WWOX: variants seen among roughly 807,000 people sequenced by gnomAD.
WWOX encodes WW domain-containing oxidoreductase.
A neutral mutation model predicts 46.2 loss-of-function variants in WWOX; 69 were observed. The observed-to-expected ratio is 1.49, with a 90% confidence interval of 1.23 to 1.82. The LOEUF (loss-of-function observed/expected upper bound fraction) is 1.82, where lower values mean the gene tolerates loss of function less well. Among genes scored for constraint, WWOX ranks in the 40% most tolerant of loss-of-function variants. WWOX has a pLI of 0.00. For synonymous variants in WWOX, 359 were observed against 202.6 expected (o/e 1.77, Z -6.56); for missense variants, 919 against 542.6 (o/e 1.69, Z -6.89).
At chr16:78,915,447 C>G (rs185370851) in intron 8 of WWOX, among the ~76,000 whole-genome samples, 89 of 152,268 alleles carry the variant, frequency 5.8e-4, no homozygotes, top group Non-Finnish European at 1.2e-3. Flanking sequence ...CTTAATATGA[C>G]TTGATTGTTA....
Position 79,212,317 on chromosome 16 carries a change from C to T in WWOX, c.*521C>T. On this transcript the variant is annotated 3_prime_UTR_variant, in exon 9 of 9. Coordinates refer to ENST00000566780, the MANE Select transcript of WWOX (RefSeq NM_016373.4). Reference sequence around the variant, plus strand: ...TAGCAACTGCTGGGGAGACAAATCTCAGAACCTTGTCCCAGCCAGTGAGGA... The same window carrying T: ...TAGCAACTGCTGGGGAGACAAATCTTAGAACCTTGTCCCAGCCAGTGAGGA... 2.4e-6 allele frequency: 2 copies of T among 831,288 alleles called. No homozygotes were observed. The highest frequency in any genetic ancestry group is 1.8e-6 in the Non-Finnish European group (1 of 556,548). The allele number at this position is 831,288 out of a possible 1,614,324, so 51.5% of individuals were successfully genotyped here. A position where few individuals can be genotyped will look rare whatever the true frequency, so the allele number is the denominator to read the frequency against.
chr16:78,174,235 G>A (rs1457686272), intron 5 of WWOX, among the ~76,000 whole-genome samples: 2 of 152,238 alleles, frequency 1.3e-5, no homozygotes, highest in African/African-American at 4.8e-5. Context: ...ATCATGGTAG[G>A]AGGCGAAAGG....
At chr16:78,937,897 G>C (rs1170526757) in intron 8 of WWOX, among the ~76,000 whole-genome samples, 1 of 152,120 alleles carries the variant, frequency 6.6e-6, no homozygotes, top group Non-Finnish European at 1.5e-5. Flanking sequence ...CAAAGTGTTG[G>C]GATTACAGGT....
intron 8 of WWOX, among the ~76,000 whole-genome samples, chr16:79,181,899 G>A (rs2050919282): frequency 6.6e-6 from 1 of 152,174 alleles, no homozygotes; most frequent in Admixed American, 6.5e-5. Context: ...TCCCCACTGG[G>A]ATAGAGCATT....
intron 5 of WWOX, among the ~76,000 whole-genome samples, chr16:78,342,525 C>T (rs560885269): frequency 8.3e-6 from 1 of 120,126 alleles, no homozygotes; most frequent in East Asian, 1.9e-4. Flanking sequence ...TCCCTGGCCC[C>T]TATGTAATTA....
chr16:78,322,401 G>T (rs1418072733), intron 5 of WWOX, among the ~76,000 whole-genome samples: 4 of 152,182 alleles, frequency 2.6e-5, no homozygotes, highest in Non-Finnish European at 5.9e-5. Flanking sequence ...ATAATGACTA[G>T]CACTCACTGA....
At chr16:79,188,820 G>T (rs1486573040) in intron 8 of WWOX, among the ~76,000 whole-genome samples, 2 of 152,214 alleles carry the variant, frequency 1.3e-5, no homozygotes, top group African/African-American at 4.8e-5. Flanking sequence ...TCCTGGGGCT[G>T]CTCGGTTCTC....
intron 8 of WWOX, among the ~76,000 whole-genome samples, chr16:78,941,185 C>A (rs1215476182): frequency 1.3e-5 from 2 of 152,010 alleles, no homozygotes; most frequent in Non-Finnish European, 2.9e-5. Flanking sequence ...AGGAAATATC[C>A]CAGTTGCAAA....
At chr16:78,703,648 G>T (rs74348224) in intron 8 of WWOX, among the ~76,000 whole-genome samples, 4,135 of 151,470 alleles carry the variant, frequency 0.027, 148 homozygotes, top group African/African-American at 0.083. Context: ...TGTTTGTTTG[G>T]TTTTTTTTGG....
intron 8 of WWOX, among the ~76,000 whole-genome samples, chr16:78,699,117 A>G (rs1172793891): frequency 1.3e-5 from 2 of 152,220 alleles, no homozygotes; most frequent in Non-Finnish European, 2.9e-5. Flanking sequence ...GCAATACACA[A>G]ATCAATGCAC....
At chr16:78,740,363 A>G (rs115950789) in intron 8 of WWOX, among the ~76,000 whole-genome samples, 1 of 152,138 alleles carries the variant, frequency 6.6e-6, no homozygotes, top group Admixed American at 6.5e-5. Flanking sequence ...GAAGCACAGT[A>G]AATGCTGACG....
chr16:78,337,593 C>A (rs981911506), intron 5 of WWOX, among the ~76,000 whole-genome samples: 1 of 152,054 alleles, frequency 6.6e-6, no homozygotes, highest in Non-Finnish European at 1.5e-5. Flanking sequence ...TGGAGTGAAA[C>A]CATTCCAATT....
At chr16:78,935,637 A>G (rs1041580874) in intron 8 of WWOX, among the ~76,000 whole-genome samples, 41 of 152,146 alleles carry the variant, frequency 2.7e-4, no homozygotes, top group African/African-American at 9.6e-4. Flanking sequence ...GGATAGCATT[A>G]GGAGATATAT....
chr16:78,997,407 G>T (rs749726529), intron 8 of WWOX, among the ~76,000 whole-genome samples: 7 of 152,086 alleles, frequency 4.6e-5, no homozygotes, highest in South Asian at 4.2e-4. Flanking sequence ...ACACGCAAAA[G>T]AATTTTTTAA....
At chr16:79,037,959 G>T (rs992631067) in intron 8 of WWOX, among the ~76,000 whole-genome samples, 1 of 151,882 alleles carries the variant, frequency 6.6e-6, no homozygotes, top group East Asian at 1.9e-4. Context: ...TTCTGGTTCT[G>T]TTCCTCCCCT....
At chr16:78,434,484 C>T (rs1319722413) in intron 8 of WWOX, among the ~76,000 whole-genome samples, 1 of 152,164 alleles carries the variant, frequency 6.6e-6, no homozygotes, top group African/African-American at 2.4e-5. Flanking sequence ...GAACTGGGTG[C>T]CAGTGCCATT....
At chr16:78,589,021 C>G (rs2045289663) in intron 8 of WWOX, among the ~76,000 whole-genome samples, 1 of 152,192 alleles carries the variant, frequency 6.6e-6, no homozygotes, top group Non-Finnish European at 1.5e-5. Flanking sequence ...TGAGACATCT[C>G]TTTCATCTGC....
intron 5 of WWOX, among the ~76,000 whole-genome samples, chr16:78,243,324 C>T (rs2037717789): frequency 1.3e-5 from 2 of 152,074 alleles, no homozygotes; most frequent in Admixed American, 1.3e-4. Flanking sequence ...ATGTGATATG[C>T]AAACATCTGT....
At chr16:78,850,084 AT>A (rs957828996) in intron 8 of WWOX, among the ~76,000 whole-genome samples, 17 of 152,122 alleles carry the variant, frequency 1.1e-4, no homozygotes, top group African/African-American at 4.1e-4. Flanking sequence ...AAAAAAAAAA[AT>A]AGAGTGATAG....
Sources: allele counts gnomAD v4.1 joint callset (sites outside exome capture counted in the v4.1 genomes callset), GRCh38; gene constraint gnomAD v4.1.1; transcripts MANE v1.5; gene names NCBI Gene and HGNC (gene_info 2026-07-23, HGNC 2026-07-21).